The following SOX6 variants were observed in gnomAD, a reference collection of about 807,000 sequenced individuals.
The protein encoded by SOX6 is transcription factor SOX-6.
SOX6 carries 11 observed loss-of-function variants against 97.8 expected under a neutral mutation model. The ratio of observed to expected loss-of-function variants is 0.11; its 90% CI spans 0.07 to 0.19. SOX6 has a LOEUF of 0.19. SOX6 is among the 10% of genes least tolerant of loss of function. The probability of loss-of-function intolerance (pLI) is 1.00; values close to 1 mark genes in which losing one functional copy is unlikely to be tolerated. For synonymous variants in SOX6, 360 were observed against 371.4 expected (o/e 0.97, Z 0.35); for missense variants, 810 against 1,039.5 (o/e 0.78, Z 3.04).
chr11:15,987,689 ATTT>A (rs5789928), intron 14 of SOX6, among the ~76,000 whole-genome samples: 2 of 142,062 alleles, frequency 1.4e-5, no homozygotes, highest in Non-Finnish European at 1.5e-5. Context: ...AGAAGCACTG[ATTT>A]TTTTTTTTTT....
intron 14 of SOX6, among the ~76,000 whole-genome samples, chr11:15,988,781 G>C (rs1029823738): frequency 2.0e-5 from 3 of 152,196 alleles, no homozygotes; most frequent in African/African-American, 7.2e-5. Context: ...CTGGCACCTG[G>C]TGGATATAAT....
chr11:16,176,323 T>G (rs1038255520), intron 6 of SOX6, among the ~76,000 whole-genome samples: 1 of 151,884 alleles, frequency 6.6e-6, no homozygotes, highest in Admixed American at 6.6e-5. Flanking sequence ...ATCAGTATTT[T>G]TAACAAGATT....
intron 3 of SOX6, among the ~76,000 whole-genome samples, chr11:16,261,553 C>A (rs1252560512): frequency 6.6e-6 from 1 of 151,876 alleles, no homozygotes; most frequent in Non-Finnish European, 1.5e-5. Flanking sequence ...CCACCCACCC[C>A]ACCAGGAAAT....
intron 3 of SOX6, among the ~76,000 whole-genome samples, chr11:16,235,906 T>G (rs1853003492): frequency 6.6e-6 from 1 of 152,092 alleles, no homozygotes; most frequent in Admixed American, 6.6e-5. Flanking sequence ...AATTAACATT[T>G]GTCTGTGACA....
chr11:16,329,851 C>T (rs907309383), intron 2 of SOX6, among the ~76,000 whole-genome samples: 1 of 152,098 alleles, frequency 6.6e-6, no homozygotes, highest in Non-Finnish European at 1.5e-5. Flanking sequence ...GGAGGGTTGT[C>T]CAAAATTCTT....
At chr11:16,312,927 T>C (rs1399411808) in intron 3 of SOX6, 1 of 152,176 alleles carries the variant, frequency 6.6e-6, no homozygotes, top group African/African-American at 2.4e-5. Context: ...ACCAATGTTT[T>C]AAAAGGTGGT....
At chr11:16,132,505 A>AAAGAAAGAAAGAAAGCAAGCAAGC (rs1451899878) in intron 6 of SOX6, among the ~76,000 whole-genome samples, 33 of 86,206 alleles carry the variant, frequency 3.8e-4, no homozygotes, top group Middle Eastern at 5.2e-3. Flanking sequence ...AGAAAGAAAG[A>AAAGAAAGAAAGAAAGCAAGCAAGC]AAGCTTATCT....
intron 3 of SOX6, among the ~76,000 whole-genome samples, chr11:16,302,715 G>A (rs868466198): frequency 4.0e-5 from 6 of 151,410 alleles, no homozygotes; most frequent in Non-Finnish European, 5.9e-5. Context: ...GATTACAGGC[G>A]TGCGCCACCA....
At chr11:16,629,673 C>A (rs1023497086) in intron 3 of SOX6, among the ~76,000 whole-genome samples, 21 of 151,956 alleles carry the variant, frequency 1.4e-4, no homozygotes, top group African/African-American at 4.6e-4. Context: ...GAATTGATAC[C>A]AGCTCTTCTT....
chr11:15,996,744 G>C (rs185341344), intron 13 of SOX6, among the ~76,000 whole-genome samples: 36 of 151,748 alleles, frequency 2.4e-4, no homozygotes, highest in African/African-American at 8.7e-4. Context: ...AGAAATAGAA[G>C]ACAAAAAACT....
chr11:16,673,448 A>G (rs925484696), intron 3 of SOX6, among the ~76,000 whole-genome samples: 1 of 152,198 alleles, frequency 6.6e-6, no homozygotes, highest in African/African-American at 2.4e-5. Context: ...GAGAAATTCA[A>G]AAGATAATTA....
At chr11:15,997,746 T>C (rs1003758284) in intron 13 of SOX6, among the ~76,000 whole-genome samples, 5 of 152,214 alleles carry the variant, frequency 3.3e-5, no homozygotes, top group South Asian at 2.1e-4. Flanking sequence ...AACTACCGAA[T>C]GCTTTCTCTA....
intron 1 of SOX6, among the ~76,000 whole-genome samples, chr11:16,461,578 C>T (rs1859930694): frequency 6.6e-6 from 1 of 152,188 alleles, no homozygotes; most frequent in African/African-American, 2.4e-5. Flanking sequence ...ATTCCCCACA[C>T]TTGTGCTAGT....
intron 12 of SOX6, among the ~76,000 whole-genome samples, chr11:16,039,600 T>C (rs889204456): frequency 2.6e-5 from 4 of 152,028 alleles, no homozygotes; most frequent in Non-Finnish European, 5.9e-5. Context: ...AATGATACAA[T>C]TTGGATGCAA....
At chr11:16,525,363 G>C (rs1207243328) in intron 4 of SOX6, among the ~76,000 whole-genome samples, 1 of 150,366 alleles carries the variant, frequency 6.7e-6, no homozygotes, top group Non-Finnish European at 1.5e-5. Flanking sequence ...ACAAACCTGA[G>C]AAAAACAAGC....
intron 4 of SOX6, among the ~76,000 whole-genome samples, chr11:16,491,812 C>T (rs1860513723): frequency 6.6e-5 from 10 of 152,114 alleles, no homozygotes; most frequent in Admixed American, 6.5e-4. Context: ...TGCTCTCTAT[C>T]TCATATCATA....
chr11:16,422,453 G>A (rs1185863912), intron 1 of SOX6, among the ~76,000 whole-genome samples: 1 of 152,186 alleles, frequency 6.6e-6, no homozygotes, highest in Non-Finnish European at 1.5e-5. Flanking sequence ...AGGTACTACT[G>A]AAGCAAAGAA....
At position 15,968,695 on chromosome 11, in the gene SOX6, C is replaced by G. The variant is rs372090914; in HGVS notation, c.*4114G>C. ...CCCTTTTCAAACACCCTCAGGCTCC[C>G]GTGGGGCTAATGTTCAGGGGAGGCC... is the stretch of plus-strand genomic sequence containing the variant. On this transcript the variant is annotated 3_prime_UTR_variant, in exon 16 of 16. Transcript: ENST00000683767. 6.6e-6 allele frequency: 1 copy of G among 152,190 alleles called. No individual in the cohort carries two copies. The highest frequency in any genetic ancestry group is 2.4e-5 in the African/African-American group (1 of 41,434). The allele number at this position is 152,190 out of a possible 1,614,324, so 9.4% of individuals were successfully genotyped here.
At chr11:16,122,621 A>G (rs566764704) in intron 6 of SOX6, among the ~76,000 whole-genome samples, 3 of 152,136 alleles carry the variant, frequency 2.0e-5, no homozygotes, top group Admixed American at 2.0e-4. Context: ...TCTGTTAGCA[A>G]TGACCAGAGT....
Sources: allele counts gnomAD v4.1 joint callset (sites outside exome capture counted in the v4.1 genomes callset), GRCh38; gene constraint gnomAD v4.1.1; transcripts MANE v1.5; gene names NCBI Gene and HGNC (gene_info 2026-07-23, HGNC 2026-07-21).